Variants in HDAC8 observed in about 807,000 individuals in gnomAD.
The protein encoded by HDAC8 is histone deacetylase 8.
A neutral mutation model predicts 32.2 loss-of-function variants in HDAC8; 1 was observed. The observed-to-expected ratio is 0.03, with a 90% confidence interval of 0.01 to 0.15. The LOEUF (loss-of-function observed/expected upper bound fraction) is 0.15. Among genes scored for constraint, HDAC8 ranks in the 10% least tolerant of loss-of-function variants. The pLI is 1.00. For missense variants in HDAC8, 117 were observed against 300.0 expected (o/e 0.39, Z 4.51); for synonymous variants, 108 against 113.9 (o/e 0.95, Z 0.33).
In HDAC8 at chrX:72,567,766, C is replaced by T. The variant is rs781982425; in HGVS notation, c.437+123G>A. ...TTTCACTTGGATTTCTTCAGAATGC[C>T]TTGTAAAGTGCCACATACACACACG... On this transcript the variant is annotated intron_variant, in intron 4 of 10. Transcript: ENST00000373573. 3.3e-6 allele frequency: 4 copies of T among 1,209,494 alleles called. No homozygotes were observed. In the East Asian group the frequency reaches 8.9e-5, roughly 27 times the overall value.
intron 4 of HDAC8, among the ~76,000 whole-genome samples, chrX:72,525,762 C>T (rs1213407684): frequency 1.2e-5 from 1 of 84,527 alleles, no homozygotes; most frequent in Non-Finnish European, 2.1e-5. Context: ...TGCAGTGAGC[C>T]GAGATCGCGC....
At chrX:72,338,295 T>C (rs1334486671) in intron 10 of HDAC8, among the ~76,000 whole-genome samples, 1 of 111,372 alleles carries the variant, frequency 9.0e-6, no homozygotes, top group Non-Finnish European at 1.9e-5. Flanking sequence ...AAGACATCTG[T>C]AGACTACAGG....
chrX:72,512,716 C>T (rs1285293998), intron 4 of HDAC8, among the ~76,000 whole-genome samples: 6 of 111,460 alleles, frequency 5.4e-5, no homozygotes, highest in African/African-American at 1.3e-4. Flanking sequence ...ACTCCTCCTG[C>T]TGTCTGTCCC....
chrX:72,451,439 T>C (rs2047569312), intron 9 of HDAC8, among the ~76,000 whole-genome samples: 1 of 112,316 alleles, frequency 8.9e-6, no homozygotes, highest in Non-Finnish European at 1.9e-5. Flanking sequence ...TCAAGTGATC[T>C]GCCTGCCTTA....
chrX:72,536,423 T>C (rs1387011311), intron 4 of HDAC8, among the ~76,000 whole-genome samples: 1 of 112,140 alleles, frequency 8.9e-6, no homozygotes, highest in Non-Finnish European at 1.9e-5. Context: ...AATGTTATCA[T>C]GATAAGTTTA....
At chrX:72,495,625 A>C (rs2048998366) in intron 4 of HDAC8, among the ~76,000 whole-genome samples, 2 of 111,871 alleles carry the variant, frequency 1.8e-5, no homozygotes, top group Non-Finnish European at 1.9e-5. Context: ...ACTGGTAATC[A>C]CTTACAGGAC....
chrX:72,512,095 T>G (rs1326613213), intron 4 of HDAC8, among the ~76,000 whole-genome samples: 3 of 111,625 alleles, frequency 2.7e-5, no homozygotes, highest in African/African-American at 9.8e-5. Flanking sequence ...TACAGAGGAG[T>G]GTCATGCTAA....
At chrX:72,398,321 C>CT (rs1379197243) in intron 9 of HDAC8, among the ~76,000 whole-genome samples, 2 of 108,866 alleles carry the variant, frequency 1.8e-5, no homozygotes, top group East Asian at 2.9e-4. Context: ...TCTGGATTAT[C>CT]TTTTTTTTTG....
rs187490376 is a variant in HDAC8 at position 72,489,030 on chromosome X, C to T, written c.640G>A (p.Val214Met). ...SPGFFPGTGD[V>M]SDVGLGKGRY... ...CCCTTCCCTAGGCCAACATCAGACA[C>T]GTCACCTGTTCCTATAAAAGAGAAG... Residue 214 changes from valine to methionine, a missense_variant, in exon 7 of 11, where the codon GTG becomes ATG. Val to Met is a conservative substitution (Grantham distance 21). This residue lies in a region of HDAC8 where 57 missense variants were observed against 182.0 expected (regional missense o/e 0.31). Coordinates refer to ENST00000373573, the MANE Select transcript of HDAC8 (RefSeq NM_018486.3). 1.6e-5 allele frequency: 19 copies of T among 1,177,904 alleles called. No individual in the cohort carries two copies. The highest frequency in any genetic ancestry group is 2.3e-4 in the Middle Eastern group (1 of 4,282).
chrX:72,531,996 G>T (rs1428574995), intron 4 of HDAC8, among the ~76,000 whole-genome samples: 2 of 112,068 alleles, frequency 1.8e-5, no homozygotes, highest in African/African-American at 6.5e-5. Flanking sequence ...CCATCCCTAG[G>T]AGTAGAAGTT....
At chrX:72,503,712 T>C (rs2049298565) in intron 4 of HDAC8, among the ~76,000 whole-genome samples, 1 of 112,221 alleles carries the variant, frequency 8.9e-6, no homozygotes, top group Non-Finnish European at 1.9e-5. Flanking sequence ...AGATCATGAT[T>C]AGAAACATTG....
At chrX:72,342,358 A>T (rs2083031247) in intron 10 of HDAC8, among the ~76,000 whole-genome samples, 1 of 112,405 alleles carries the variant, frequency 8.9e-6, no homozygotes, top group Non-Finnish European at 1.9e-5. Context: ...GCTGCCCCTC[A>T]GTGGCAAGGC....
At chrX:72,356,456 C>T (rs782186257) in intron 9 of HDAC8, among the ~76,000 whole-genome samples, 1 of 112,108 alleles carries the variant, frequency 8.9e-6, no homozygotes, top group Non-Finnish European at 1.9e-5. Context: ...CTAGAAGGTC[C>T]GTGAAGGCAG....
At chrX:72,450,192 C>T (rs1165106158) in intron 9 of HDAC8, among the ~76,000 whole-genome samples, 1 of 111,794 alleles carries the variant, frequency 8.9e-6, no homozygotes, top group East Asian at 2.8e-4. Flanking sequence ...ATCACATTGT[C>T]TAAATGAAAA....
intron 4 of HDAC8, among the ~76,000 whole-genome samples, chrX:72,536,158 G>A (rs1556039184): frequency 8.9e-6 from 1 of 112,182 alleles, no homozygotes; most frequent in Admixed American, 9.4e-5. Context: ...CAAATGCAGA[G>A]CTCTCTTGTG....
chrX:72,351,841 G>A lies in HDAC8; in HGVS notation c.1006-3C>T, dbSNP rs782180141. 1 of 1,180,476 alleles carries A rather than the reference G, an allele frequency of 8.5e-7. No individual in the cohort carries two copies. The highest frequency in any genetic ancestry group is 1.8e-5 in the South Asian group (1 of 55,202). ...TCAGGACCATATGCTGTGAAAAACT[G>A]TAAGGAAAAGGGAAAGGCCAAAAAA... is the stretch of plus-strand genomic sequence containing the variant. On this transcript the variant is annotated splice_region_variant and splice_polypyrimidine_tract_variant and intron_variant, in intron 9 of 10. Coordinates refer to ENST00000373573, the MANE Select transcript of HDAC8 (RefSeq NM_018486.3).
At position 72,572,599 on chromosome X, in the gene HDAC8, GCCCCCA is replaced by G; in HGVS notation, c.111+46_111+51del. On this transcript the variant is annotated intron_variant, in intron 1 of 10. Coordinates refer to ENST00000373573, the MANE Select transcript of HDAC8 (RefSeq NM_018486.3). ...GCTTCCTAACGCTCTTTCGTCCACC[GCCCCCA>G]CCCCCACCCCCAAAGCCCATGGTCT... The G allele has an allele frequency of 1.1e-5, 5 of 453,086 alleles. No homozygotes were observed. The South Asian group carries it at 3.0e-4, about 27-fold the overall frequency. 37.3% of individuals were successfully genotyped at this position (453,086 alleles called of 1,213,427 possible).
intron 9 of HDAC8, among the ~76,000 whole-genome samples, chrX:72,391,424 T>C (rs2045609074): frequency 8.9e-6 from 1 of 112,336 alleles, no homozygotes; most frequent in Non-Finnish European, 1.9e-5. Context: ...TGGAAAGAGA[T>C]AGGGAACTCA....
intron 10 of HDAC8, among the ~76,000 whole-genome samples, chrX:72,339,496 G>C (rs1437130130): frequency 8.9e-6 from 1 of 112,494 alleles, no homozygotes; most frequent in Non-Finnish European, 1.9e-5. Context: ...GTTTATTGAA[G>C]GGCAAAGGAG....
Sources: gnomAD v4.1 joint callset for allele counts (sites outside exome capture counted in the v4.1 genomes callset) on GRCh38, gnomAD v4.1.1 for gene constraint, gnomAD v4.1.1 regional missense constraint, MANE v1.5 for transcripts, NCBI Gene and HGNC (gene_info 2026-07-23, HGNC 2026-07-21) for gene names.